FBXO11: variants seen among roughly 807,000 people sequenced by gnomAD.
FBXO11 encodes F-box protein 11, also known as F-box only protein 11.
FBXO11 carries 13 observed loss-of-function variants against 117.0 expected under a neutral mutation model. The ratio of observed to expected loss-of-function variants is 0.11; its 90% CI spans 0.07 to 0.18. The LOEUF is 0.18. FBXO11 is among the 10% of genes least tolerant of loss of function. The probability of loss-of-function intolerance (pLI) is 1.00; values close to 1 mark genes in which losing one functional copy is unlikely to be tolerated. For missense variants in FBXO11, 767 were observed against 1,164.4 expected, an observed-to-expected ratio of 0.66 and a Z score of 4.97; for synonymous variants, 490 against 380.5, an observed-to-expected ratio of 1.29 and a Z score of -3.35.
chr2:47,813,425 AT>A (rs564540671), intron 17 of FBXO11, 48 bp from the exon 18 acceptor site: 18,243 of 387,156 alleles, frequency 0.047, no homozygotes, highest in Middle Eastern at 0.065. Flanking sequence ...TTTCTTTTTA[AT>A]TTTTTTTTTT....
chr2:47,861,838 C>T (rs1215172388), intron 1 of FBXO11, among the ~76,000 whole-genome samples: 1 of 151,948 alleles, frequency 6.6e-6, no homozygotes, highest in Non-Finnish European at 1.5e-5. Context: ...CATGTTGGCA[C>T]AATGAATAGG....
chr2:47,809,466 C>T, intron 20 of FBXO11, 134 bp downstream of exon 20: 1 of 732,290 alleles, frequency 1.4e-6, no homozygotes, highest in Non-Finnish European at 2.2e-6. Flanking sequence ...AACCAAAGCT[C>T]TGTTTCTTTC....
intron 1 of FBXO11, among the ~76,000 whole-genome samples, chr2:47,904,614 ACACACAC>A (rs1572940859): frequency 3.0e-5 from 4 of 131,196 alleles, no homozygotes; most frequent in African/African-American, 1.2e-4. Flanking sequence ...ACACACACAC[ACACACAC>A]AAAATATCCC....
At position 47,822,295 on chromosome 2, in the gene FBXO11, G is replaced by C. The variant is rs1195623718; in HGVS notation, c.1625C>G (p.Ser542Cys). ...SNSDPTIRGNSIFNGNQGGVY... is the reference protein window; with the variant it reads ...SNSDPTIRGNCIFNGNQGGVY... Reference sequence around the variant, plus strand: ...TCCTCCTTGATTTCCATTAAATATAGAATTTCCCCTATAATTATGCGAAAT... The same window carrying C: ...TCCTCCTTGATTTCCATTAAATATACAATTTCCCCTATAATTATGCGAAAT... Residue 542 changes from serine (S) to cysteine (C), a missense_variant, in exon 13 of 23, where the codon TCT becomes TGT. By Grantham distance (112) the Ser-to-Cys change is moderately radical (BLOSUM62 -1). Transcript: ENST00000403359. The C allele has an allele frequency of 3.8e-6, 6 of 1,575,842 alleles. No homozygotes were observed. The highest frequency in any genetic ancestry group is 5.2e-6 in the Non-Finnish European group (6 of 1,158,558).
chr2:47,902,982 T>A (rs554223978), intron 1 of FBXO11, among the ~76,000 whole-genome samples: 15 of 151,620 alleles, frequency 9.9e-5, no homozygotes, highest in East Asian at 1.9e-4. Flanking sequence ...TATCCTGTAA[T>A]AATTAAACCC....
chr2:47,843,620 C>A (rs1172434313), intron 1 of FBXO11, among the ~76,000 whole-genome samples: 1 of 152,166 alleles, frequency 6.6e-6, no homozygotes, highest in African/African-American at 2.4e-5. Flanking sequence ...TTCTGCCTTA[C>A]AAATCTATTT....
rs569311583 is a variant in FBXO11 at position 47,823,862 on chromosome 2, T to A, written c.1399-502A>T. 3.3e-5 allele frequency among the ~76,000 whole-genome samples: 5 copies of A among 152,106 alleles called. 1 individual carries two copies. Among genetic ancestry groups the A allele is most frequent in the East Asian group, 3.9e-4 (2 of 5,182 alleles). ...TTAAATGTTTTAATTTTTTTTTTTT[T>A]AACAGACAAGGTCTCACTCTGTTGT... On this transcript the variant is annotated intron_variant, in intron 11 of 22. Coordinates refer to ENST00000403359, the MANE Select transcript of FBXO11 (RefSeq NM_001190274.2).
At position 47,826,909 on chromosome 2, in the gene FBXO11, AT is replaced by A. The variant is rs559494870; in HGVS notation, c.1399-3550del. Among the ~76,000 whole-genome samples, 39 of 152,150 alleles carry A rather than the reference AT, an allele frequency of 2.6e-4. 1 individual carries two copies. The South Asian group carries it at 8.1e-3, about 32-fold the overall frequency. ...TCTCCTATAAATCACCTCTTAATACATTTACATTTACATTAGGTTTACCAAT... is the reference window on the plus strand; with the variant it reads ...TCTCCTATAAATCACCTCTTAATACATTACATTTACATTAGGTTTACCAAT... On this transcript the variant is annotated intron_variant, in intron 11 of 22. Coordinates refer to ENST00000403359, the MANE Select transcript of FBXO11 (RefSeq NM_001190274.2).
chr2:47,860,410 A>ATTTTT (rs777150310), intron 1 of FBXO11, among the ~76,000 whole-genome samples: 1 of 138,964 alleles, frequency 7.2e-6, no homozygotes, highest in Non-Finnish European at 1.6e-5. Flanking sequence ...TTTACCCTGG[A>ATTTTT]TTTTTTTTTT....
At position 47,832,864 on chromosome 2, in the gene FBXO11, T is replaced by G; in HGVS notation, c.1058A>C (p.Lys353Thr). 2 of 1,614,026 alleles carry G rather than the reference T, an allele frequency of 1.2e-6. No homozygotes were observed. Among genetic ancestry groups the G allele is most frequent in the East Asian group, 2.2e-5 (1 of 44,860 alleles). ...GTGTGCATTGTGGTGTTGTGCAGAT[T>G]TGTCATCAGGGTTAAACTGAAAAGT... ...YMTIRFNPDD[K>T]SAQHHNAHHC... Residue 353 changes from lysine to threonine, a missense_variant, in exon 9 of 23, where the codon AAA becomes ACA. This residue lies in a region of FBXO11 where 123 missense variants were observed against 145.0 expected (regional missense o/e 0.85). Transcript: ENST00000403359.
chr2:47,809,097 G>T, intron 21 of FBXO11, 61 bp downstream of exon 21: 2 of 1,077,014 alleles, frequency 1.9e-6, no homozygotes, highest in Non-Finnish European at 2.8e-6. Flanking sequence ...GCTAGGCATT[G>T]CTAATTTAAA....
chr2:47,864,050 T>A (rs1352671295), intron 1 of FBXO11, among the ~76,000 whole-genome samples: 8 of 152,206 alleles, frequency 5.3e-5, no homozygotes, highest in African/African-American at 1.9e-4. Flanking sequence ...ACGGCATATG[T>A]GCTGGAATTT....
At chr2:47,843,680 A>C (rs1036364948) in intron 1 of FBXO11, among the ~76,000 whole-genome samples, 2 of 152,010 alleles carry the variant, frequency 1.3e-5, no homozygotes, top group Non-Finnish European at 2.9e-5. Flanking sequence ...GTATTTTTTA[A>C]ATCCTTTATT....
chr2:47,823,837 T>A (rs1398093241), intron 11 of FBXO11, among the ~76,000 whole-genome samples: 1 of 152,070 alleles, frequency 6.6e-6, no homozygotes. Flanking sequence ...AGAAAAAGAT[T>A]TAAATGTTTT....
At chr2:47,856,841 G>C (rs1330105929) in intron 1 of FBXO11, among the ~76,000 whole-genome samples, 1 of 152,288 alleles carries the variant, frequency 6.6e-6, no homozygotes, top group South Asian at 2.1e-4. Flanking sequence ...TAAAAGGCAA[G>C]AACCACGAAT....
chr2:47,846,631 G>C (rs1673431390), intron 1 of FBXO11, among the ~76,000 whole-genome samples: 1 of 151,844 alleles, frequency 6.6e-6, no homozygotes, highest in African/African-American at 2.4e-5. Flanking sequence ...AAATGTTCTA[G>C]ACCAGAAATG....
At chr2:47,816,914 A>G (rs1276491310) in intron 16 of FBXO11, among the ~76,000 whole-genome samples, 1 of 152,280 alleles carries the variant, frequency 6.6e-6, no homozygotes, top group Non-Finnish European at 1.5e-5. Context: ...TAGGGTTTTC[A>G]TAATGGTAAA....
At chr2:47,877,705 G>C (rs1014518925) in intron 1 of FBXO11, among the ~76,000 whole-genome samples, 2 of 152,092 alleles carry the variant, frequency 1.3e-5, no homozygotes, top group Non-Finnish European at 2.9e-5. Flanking sequence ...TTGTTTTTGA[G>C]ATGGAGTCTC....
intron 1 of FBXO11, 56 bp downstream of exon 1, chr2:47,905,433 C>T: frequency 8.4e-7 from 1 of 1,189,528 alleles, no homozygotes; most frequent in Non-Finnish European, 1.0e-6. Context: ...CCCGCCCCGG[C>T]CTCCCTTCCC....
Sources: allele counts gnomAD v4.1 joint callset (sites outside exome capture counted in the v4.1 genomes callset), GRCh38; gene constraint gnomAD v4.1.1; regional missense constraint gnomAD v4.1.1; transcripts MANE v1.5; gene names NCBI Gene and HGNC (gene_info 2026-07-23, HGNC 2026-07-21).